Variants in HACE1 observed in about 807,000 individuals in gnomAD.
HACE1 encodes HECT domain and ankyrin repeat containing E3 ubiquitin protein ligase 1, also known as E3 ubiquitin-protein ligase HACE1.
Under a neutral mutation model 118.4 loss-of-function variants are expected in HACE1, and 73 were observed. The ratio of observed to expected loss-of-function variants is 0.62; its 90% CI spans 0.51 to 0.75. The LOEUF is 0.75. Ranked by LOEUF, HACE1 falls within the 30% of genes least tolerant of loss-of-function variation. The probability of loss-of-function intolerance (pLI) is 0.00; values close to 1 mark genes in which losing one functional copy is unlikely to be tolerated. For synonymous variants in HACE1, 368 were observed against 374.8 expected, an observed-to-expected ratio of 0.98 and a Z score of 0.21; for missense variants, 749 against 1,102.2, an observed-to-expected ratio of 0.68 and a Z score of 4.54.
chr6:104,746,058 T>TA (rs1391393415), intron 20 of HACE1, among the ~76,000 whole-genome samples: 2 of 152,228 alleles, frequency 1.3e-5, no homozygotes, highest in Non-Finnish European at 1.5e-5. Context: ...GCAAAACTGT[T>TA]AAACAGTACC....
At chr6:104,767,684 A>C (rs1030456912) in intron 19 of HACE1, among the ~76,000 whole-genome samples, 1 of 152,042 alleles carries the variant, frequency 6.6e-6, no homozygotes, top group Non-Finnish European at 1.5e-5. Flanking sequence ...ATCTTTTTCT[A>C]CTTGCTTACT....
intron 2 of HACE1, 105 bp from the exon 3 acceptor site, chr6:104,851,101 T>C (rs753067593): frequency 5.5e-5 from 41 of 745,840 alleles, no homozygotes; most frequent in Middle Eastern, 3.6e-4. Context: ...GTTTGTTTGT[T>C]GAGACAAGAG....
chr6:104,739,830 A>G (rs1353610574), intron 22 of HACE1, among the ~76,000 whole-genome samples: 1 of 151,998 alleles, frequency 6.6e-6, no homozygotes, highest in African/African-American at 2.4e-5. Flanking sequence ...ATAGACATCT[A>G]CAGAACTCTC....
chr6:104,857,462 A>T (rs1016186121), intron 1 of HACE1, among the ~76,000 whole-genome samples: 12 of 151,768 alleles, frequency 7.9e-5, no homozygotes, highest in African/African-American at 2.9e-4. Flanking sequence ...AGAAACTGAT[A>T]TGTTGAGCCT....
At chr6:104,751,763 AT>A (rs1778068593) in intron 19 of HACE1, among the ~76,000 whole-genome samples, 2 of 152,126 alleles carry the variant, frequency 1.3e-5, no homozygotes, top group Non-Finnish European at 2.9e-5. Context: ...TCATTTATAT[AT>A]TTTTTAATTA....
intron 22 of HACE1, among the ~76,000 whole-genome samples, chr6:104,732,715 A>ACG (rs1775349758): frequency 6.6e-6 from 1 of 152,110 alleles, no homozygotes; most frequent in African/African-American, 2.4e-5. Context: ...TTACACACAC[A>ACG]CACAAATGGT....
chr6:104,741,518 A>G (rs1037123258), intron 22 of HACE1, among the ~76,000 whole-genome samples: 1 of 118,566 alleles, frequency 8.4e-6, no homozygotes, highest in African/African-American at 3.7e-5. Context: ...CACCAACAAC[A>G]GACAAACAGA....
At position 104,742,383 on chromosome 6, in the gene HACE1, A is replaced by C. The variant is rs1445379536; in HGVS notation, c.2513+1777T>G. ...ATCAGAGTGAACAGGCAACCTACAA[A>C]ATGGGAGAAAATTTTCACAACCTAC... On this transcript the variant is annotated intron_variant, in intron 22 of 23. Transcript: ENST00000262903. Among the ~76,000 whole-genome samples, 58 of 148,114 alleles carry C rather than the reference A, an allele frequency of 3.9e-4. No homozygotes were observed. The Middle Eastern group carries it at 0.014, about 35-fold the overall frequency.
intron 19 of HACE1, among the ~76,000 whole-genome samples, chr6:104,753,862 G>GC (rs1165945752): frequency 6.6e-6 from 1 of 152,130 alleles, no homozygotes; most frequent in Non-Finnish European, 1.5e-5. Flanking sequence ...CCAAATGACC[G>GC]CAACACCTCT....
intron 17 of HACE1, among the ~76,000 whole-genome samples, chr6:104,774,470 C>T (rs1781010646): frequency 6.6e-6 from 1 of 151,818 alleles, no homozygotes; most frequent in Admixed American, 6.6e-5. Flanking sequence ...CTACAACCTC[C>T]ACCTCCTGGG....
chr6:104,771,152 A>C, intron 19 of HACE1, 41 bp downstream of exon 19: 1 of 1,416,276 alleles, frequency 7.1e-7, no homozygotes, highest in South Asian at 1.1e-5. Context: ...TATCAGGGCC[A>C]AGTTACAAAC....
chr6:104,741,316 T>C (rs1345794569), intron 22 of HACE1, among the ~76,000 whole-genome samples: 1,687 of 140,254 alleles, frequency 0.012, 36 homozygotes, highest in African/African-American at 0.046. Flanking sequence ...CCAGGGCAAT[T>C]AGGCAGGAGA....
intron 17 of HACE1, among the ~76,000 whole-genome samples, chr6:104,774,819 C>T (rs886377844): frequency 1.3e-5 from 2 of 152,208 alleles, no homozygotes; most frequent in Non-Finnish European, 2.9e-5. Context: ...AACAAATATA[C>T]TATTTCACTA....
At chr6:104,736,869 G>A (rs1350188666) in intron 22 of HACE1, among the ~76,000 whole-genome samples, 1 of 152,210 alleles carries the variant, frequency 6.6e-6, no homozygotes, top group South Asian at 2.1e-4. Context: ...AATGTTAATT[G>A]TATGTATCTC....
chr6:104,819,417 T>C (rs1166399558), intron 6 of HACE1, among the ~76,000 whole-genome samples: 1 of 152,136 alleles, frequency 6.6e-6, no homozygotes, highest in Non-Finnish European at 1.5e-5. Context: ...AACATCCCAT[T>C]CTCATGGACA....
chr6:104,741,501 TC>T (rs1776680918), intron 22 of HACE1, among the ~76,000 whole-genome samples: 1 of 130,064 alleles, frequency 7.7e-6, no homozygotes, highest in South Asian at 2.5e-4. Context: ...TCACAAGCAT[TC>T]TTATACACCA....
intron 6 of HACE1, chr6:104,831,130 G>C (rs1773823778): frequency 6.6e-6 from 1 of 152,068 alleles, no homozygotes; most frequent in Non-Finnish European, 1.5e-5. Flanking sequence ...TTACAGCAAA[G>C]CAGAAATTCA....
intron 1 of HACE1, among the ~76,000 whole-genome samples, chr6:104,854,267 T>C (rs749059247): frequency 2.6e-5 from 4 of 152,142 alleles, no homozygotes; most frequent in African/African-American, 4.8e-5. Flanking sequence ...GAAACATAAC[T>C]AAAGGCAATG....
intron 22 of HACE1, 21 bp downstream of exon 22, chr6:104,744,139 T>C (rs1352064124): frequency 2.9e-6 from 4 of 1,368,042 alleles, no homozygotes; most frequent in Non-Finnish European, 3.1e-6. Flanking sequence ...ATTTCCATAT[T>C]ATCATAAAAA....
Sources: allele counts gnomAD v4.1 joint callset (sites outside exome capture counted in the v4.1 genomes callset), GRCh38; gene constraint gnomAD v4.1.1; transcripts MANE v1.5; gene names NCBI Gene and HGNC (gene_info 2026-07-23, HGNC 2026-07-21).